TAF4: variants seen among roughly 807,000 people sequenced by gnomAD.
TAF4 encodes transcription initiation factor TFIID subunit 4.
Under a neutral mutation model 90.3 loss-of-function variants are expected in TAF4, and 9 were observed. The ratio of observed to expected loss-of-function variants is 0.10; its 90% CI spans 0.06 to 0.17. The LOEUF (loss-of-function observed/expected upper bound fraction) is 0.17. Ranked by LOEUF, TAF4 falls within the 10% of genes least tolerant of loss-of-function variation. The pLI, the probability that TAF4 is intolerant of heterozygous loss-of-function variation, is 1.00. For missense variants in TAF4, 1,351 were observed against 1,370.7 expected, an observed-to-expected ratio of 0.99 and a Z score of 0.23; for synonymous variants, 818 against 638.9, an observed-to-expected ratio of 1.28 and a Z score of -4.23.
chr20:62,065,814 T>G lies in TAF4; in HGVS notation c.-4A>C. ...GCAGATCCGAGCCCGCCGCCATCTT[T>G]TTTCCTCGGCCGCCGCCGCCGCCGC... On this transcript the variant is annotated 5_prime_UTR_variant, in exon 1 of 15. Transcript: ENST00000252996. The G allele has an allele frequency of 7.8e-7, 1 of 1,285,064 alleles. No homozygotes were observed. The highest frequency in any genetic ancestry group is 5.2e-5 in the East Asian group (1 of 19,398). 79.6% of individuals were successfully genotyped at this position (1,285,064 alleles called of 1,614,324 possible).
At chr20:62,007,438 G>A (rs569288398) in intron 6 of TAF4, 109 bp downstream of exon 6, 12 of 1,029,846 alleles carry the variant, frequency 1.2e-5, no homozygotes, top group African/African-American at 8.0e-5. Context: ...CAGCACAAGC[G>A]CTGTGCACCC....
chr20:62,052,850 G>C (rs535612910), intron 1 of TAF4, among the ~76,000 whole-genome samples: 5 of 131,300 alleles, frequency 3.8e-5, no homozygotes, highest in Non-Finnish European at 8.0e-5. Context: ...CCATATCCCA[G>C]GTCCCTCAGG....
intron 1 of TAF4, among the ~76,000 whole-genome samples, chr20:62,027,193 G>A (rs2055879990): frequency 6.6e-6 from 1 of 152,178 alleles, no homozygotes; most frequent in South Asian, 2.1e-4. Flanking sequence ...AGGGCCCAGT[G>A]CAGAAACCTG....
intron 2 of TAF4, among the ~76,000 whole-genome samples, chr20:62,013,986 A>G: frequency 7.3e-6 from 1 of 137,662 alleles, no homozygotes; most frequent in African/African-American, 2.9e-5. Flanking sequence ...AGGAGTCGGG[A>G]GCTTCGGCCC....
rs751315000 is a variant in TAF4, at chr20:62,010,097, C to T, written c.1710G>A (p.Gly570=). 3.8e-5 allele frequency: 62 copies of T among 1,613,898 alleles called. No homozygotes were observed. The highest frequency in any genetic ancestry group is 1.2e-5 in the Non-Finnish European group (14 of 1,180,034). The part of the protein sequence containing the change: ...SLGTATAVQT[G]TPQRTVPGAT... ...CCCCTGGTACCGTGCGCTGAGGAGT[C>T]CCCGTCTGAACAGCCGTCGCCGTCC... The change falls in exon 4 of 15, where the codon GGG becomes GGA. Residue 570 remains glycine, a synonymous_variant. Coordinates refer to ENST00000252996, the MANE Select transcript of TAF4 (RefSeq NM_003185.4). This position sits in a 1 kb window ranked among gnomAD's most constrained non-coding sequence, Gnocchi z 4.5.
chr20:62,064,700 C>A lies in TAF4; in HGVS notation c.1111G>T (p.Ala371Ser), dbSNP rs1296356359. ...ATAGTTGGCCCGATGACCATGCTGG[C>A]CGCCGTGCTGGCCGGGCCGCTGGCC... ...LAASGPASTA[A>S]SMVIGPTMQG... The change falls in exon 1 of 15, where the codon GCC (alanine) becomes TCC (serine). Residue 371 changes from alanine to serine, a missense_variant. Physicochemically the swap from Ala to Ser is moderately conservative, Grantham distance 99 (BLOSUM62 1). Around this residue, in one of 9 missense-constraint regions of TAF4, gnomAD observed 782 missense variants for 536.6 expected, o/e 1.46. Transcript: ENST00000252996. The A allele has an allele frequency of 8.0e-7, 1 of 1,251,244 alleles. No individual in the cohort carries two copies. Among genetic ancestry groups the A allele is most frequent in the Non-Finnish European group, 1.0e-6 (1 of 1,001,972 alleles). 77.5% of individuals were successfully genotyped at this position (1,251,244 alleles called of 1,614,324 possible).
chr20:62,004,328 C>CTTTTTTTTTTTTTTTTTTTTT (rs60437230), intron 7 of TAF4, among the ~76,000 whole-genome samples: 3 of 117,198 alleles, frequency 2.6e-5, no homozygotes, highest in Non-Finnish European at 5.1e-5. Context: ...CTTTTCTTTT[C>CTTTTTTTTTTTTTTTTTTTTT]TTTTTTTTTT....
In TAF4 at chr20:62,065,344, CCGGCGGGGG is replaced by C. The variant is rs1173250162; in HGVS notation, c.458_466del (p.Ala153_Ala155del). On this transcript the variant is annotated inframe_deletion, in exon 1 of 15. Transcript: ENST00000252996. ...GGCGGGGCCGGCGGGCTTGGCGGGG[CCGGCGGGGG>C]CGGGCTCGGGCCCCGCGGCGACGGC... 15 of 949,724 alleles carry C rather than the reference CCGGCGGGGG, an allele frequency of 1.6e-5. No homozygotes were observed. The highest frequency in any genetic ancestry group is 1.5e-5 in the Non-Finnish European group (12 of 810,578). 58.8% of individuals were successfully genotyped at this position (949,724 alleles called of 1,614,324 possible).
Position 62,064,579 on chromosome 20 carries a change from C to G in TAF4, c.1232G>C (p.Ser411Thr). The G allele has an allele frequency of 6.7e-7, 1 of 1,501,936 alleles. No individual in the cohort carries two copies. The highest frequency in any genetic ancestry group is 1.2e-5 in the South Asian group (1 of 80,308). The allele number at this position is 1,501,936 out of a possible 1,614,324, so 93.0% of individuals were successfully genotyped here. A position where few individuals can be genotyped will look rare whatever the true frequency, so the allele number is the denominator to read the frequency against. ...PKGAAGAVTQ[S>T]LSRTPTATTS... ...GGTGGCCGTGGGCGTCCGGGACAGG[C>G]TCTGGGTCACTGCGCCGGCCGCGCC... Residue 411 changes from serine (S) to threonine (T), a missense_variant, in exon 1 of 15, where the codon AGC (serine) becomes ACC (threonine). Physicochemically the swap from Ser to Thr is moderately conservative, Grantham distance 58. Transcript: ENST00000252996.
chr20:62,064,609 G>A lies in TAF4; in HGVS notation c.1202C>T (p.Pro401Leu). The A allele has an allele frequency of 2.3e-5, 33 of 1,436,552 alleles. No homozygotes were observed. The highest frequency in any genetic ancestry group is 2.8e-5 in the Non-Finnish European group (31 of 1,097,124). 89.0% of individuals were successfully genotyped at this position (1,436,552 alleles called of 1,614,324 possible). Residue 401 changes from proline to leucine, a missense_variant, in exon 1 of 15, where the codon CCC becomes CTC. By Grantham distance (98) the Pro-to-Leu change is moderately conservative. This residue lies in a region of TAF4 where 782 missense variants were observed against 536.6 expected (regional missense o/e 1.46). Coordinates refer to ENST00000252996, the MANE Select transcript of TAF4 (RefSeq NM_003185.4). The part of the protein sequence containing the change: ...PPAPGTPTGL[P>L]KGAAGAVTQS... The stretch of plus-strand genomic sequence containing the variant: ...GGTCACTGCGCCGGCCGCGCCTTTG[G>A]GCAGCCCGGTGGGGGTCCCGGGGGC...
chr20:62,049,852 C>T (rs961359235), intron 1 of TAF4, among the ~76,000 whole-genome samples: 3 of 152,114 alleles, frequency 2.0e-5, no homozygotes, highest in African/African-American at 4.8e-5. Context: ...GCAGGTTTCA[C>T]GACACCATCG....
intron 14 of TAF4, among the ~76,000 whole-genome samples, chr20:61,995,358 A>G (rs547123804): frequency 6.6e-6 from 1 of 152,376 alleles, no homozygotes; most frequent in South Asian, 2.1e-4. Context: ...TTGCAAAATA[A>G]GTTAACAAAA....
chr20:62,020,747 T>C (rs903786087), intron 1 of TAF4, among the ~76,000 whole-genome samples: 2 of 152,250 alleles, frequency 1.3e-5, no homozygotes, highest in South Asian at 2.1e-4. Context: ...AATACGACAG[T>C]CAAATTAAAA....
rs28382101 is a variant in TAF4, at chr20:62,001,361, T to C, written c.2487-640A>G. On this transcript the variant is annotated intron_variant, in intron 9 of 14. Transcript: ENST00000252996. ...TTGTCCGGCTCCTCAAGCTGGAAGG[T>C]TCCTCAGCCTCTCCTGACTCCTGGG... Among the ~76,000 whole-genome samples, 635 of 152,310 alleles carry C rather than the reference T, an allele frequency of 4.2e-3. 5 individuals are homozygous for C. Among genetic ancestry groups the C allele is most frequent in the Non-Finnish European group, 5.4e-3 (370 of 68,020 alleles).
At chr20:62,045,117 C>A (rs1179892118) in intron 1 of TAF4, among the ~76,000 whole-genome samples, 2 of 152,228 alleles carry the variant, frequency 1.3e-5, no homozygotes, top group East Asian at 3.8e-4. Context: ...AGGTAAATAA[C>A]CTCAGGTAGG....
chr20:62,006,816 G>T lies in TAF4; in HGVS notation c.1975-58C>A. On this transcript the variant is annotated intron_variant, in intron 6 of 14. Coordinates refer to ENST00000252996, the MANE Select transcript of TAF4 (RefSeq NM_003185.4). This position sits in a 1 kb window ranked among gnomAD's most constrained non-coding sequence, Gnocchi z 7.0. ...GGCTGCTCATGCGTCGGTTTTCCTTGCTTAAAAATTCAGAAATATCAACTT... is the reference window on the plus strand; with the variant it reads ...GGCTGCTCATGCGTCGGTTTTCCTTTCTTAAAAATTCAGAAATATCAACTT... The T allele has an allele frequency of 7.1e-7, 1 of 1,412,146 alleles. No homozygotes were observed. The highest frequency in any genetic ancestry group is 9.3e-7 in the Non-Finnish European group (1 of 1,072,496). 87.5% of individuals were successfully genotyped at this position (1,412,146 alleles called of 1,614,324 possible). A position where few individuals can be genotyped will look rare whatever the true frequency, so the allele number is the denominator to read the frequency against.
intron 9 of TAF4, among the ~76,000 whole-genome samples, chr20:62,002,574 C>A (rs193241313): frequency 6.6e-6 from 1 of 152,320 alleles, no homozygotes. Flanking sequence ...CACTGTAACA[C>A]TGAACTCCTG....
At chr20:62,011,801 T>C (rs1397049712) in intron 3 of TAF4, among the ~76,000 whole-genome samples, 1 of 152,192 alleles carries the variant, frequency 6.6e-6, no homozygotes, top group Non-Finnish European at 1.5e-5. Context: ...ACTGCCTGGC[T>C]CATGGCAGGT....
intron 14 of TAF4, among the ~76,000 whole-genome samples, chr20:61,996,661 T>TG (rs2055664539): frequency 6.6e-6 from 1 of 151,864 alleles, no homozygotes; most frequent in Non-Finnish European, 1.5e-5. Flanking sequence ...TAGCAGGGCG[T>TG]GGTGGCACAC....
Sources: gnomAD v4.1 joint callset for allele counts (sites outside exome capture counted in the v4.1 genomes callset) on GRCh38, gnomAD v4.1.1 for gene constraint, gnomAD v4.1.1 regional missense constraint, Gnocchi (gnomAD v3.1) non-coding constraint, MANE v1.5 for transcripts, NCBI Gene and HGNC (gene_info 2026-07-23, HGNC 2026-07-21) for gene names.